COL25A1: variants seen among roughly 807,000 people sequenced by gnomAD.
COL25A1 encodes the protein collagen alpha-1(XXV) chain.
Under a neutral mutation model 128.4 loss-of-function variants are expected in COL25A1, and 103 were observed. The observed-to-expected ratio is 0.80, with a 90% CI of 0.68 to 0.94. The LOEUF (loss-of-function observed/expected upper bound fraction) is 0.94. COL25A1 is among the 40% of genes least tolerant of loss of function. The pLI is 0.00. For synonymous variants in COL25A1, 279 were observed against 277.2 expected (o/e 1.01, Z -0.06); for missense variants, 745 against 840.0 (o/e 0.89, Z 1.40).
intron 10 of COL25A1, among the ~76,000 whole-genome samples, chr4:108,938,773 T>C (rs1392239103): frequency 6.6e-6 from 1 of 151,920 alleles, no homozygotes; most frequent in Non-Finnish European, 1.5e-5. Flanking sequence ...AGGAGAATGG[T>C]GTGAACCCGG....
chr4:109,266,146 T>C (rs2126260084), intron 3 of COL25A1, among the ~76,000 whole-genome samples: 1 of 152,296 alleles, frequency 6.6e-6, no homozygotes, highest in African/African-American at 2.4e-5. Flanking sequence ...ACATGAAAAG[T>C]TTTTTAACTT....
chr4:109,240,849 T>C (rs1030365909), intron 3 of COL25A1, among the ~76,000 whole-genome samples: 3 of 152,098 alleles, frequency 2.0e-5, no homozygotes, highest in South Asian at 2.1e-4. Context: ...TGGGAGTTCA[T>C]TAAGTTCAAC....
intron 3 of COL25A1, among the ~76,000 whole-genome samples, chr4:109,156,481 G>T (rs996210199): frequency 1.2e-4 from 19 of 152,136 alleles, no homozygotes; most frequent in African/African-American, 2.9e-4. Context: ...GCTATGAAAG[G>T]TATTCATCTG....
chr4:108,942,924 T>G (rs899383531), intron 8 of COL25A1, among the ~76,000 whole-genome samples: 1 of 151,274 alleles, frequency 6.6e-6, no homozygotes, highest in African/African-American at 2.4e-5. Flanking sequence ...CCCAGCTAAT[T>G]TTTGTATTTG....
At position 109,301,935 on chromosome 4, in the gene COL25A1, G is replaced by C; in HGVS notation, c.85C>G (p.Arg29Gly). The part of the protein sequence containing the change: ...DPTPAEQHCA[R>G]TMPPCAVLAA... ...AGGACGGCACACGGGGGCATGGTCC[G>C]GGCACAATGCTGTTCGGCAGGGGTC... The change falls in exon 2 of 38, where the codon CGG becomes GGG. Residue 29 changes from arginine (R) to glycine (G), a missense_variant. Arg to Gly is a moderately radical substitution (Grantham distance 125, BLOSUM62 -2). Transcript: ENST00000399132. 6.8e-6 allele frequency: 11 copies of C among 1,613,906 alleles called. No homozygotes were observed. The highest frequency in any genetic ancestry group is 9.3e-6 in the Non-Finnish European group (11 of 1,180,034).
At chr4:109,197,748 G>A (rs1369276129) in intron 3 of COL25A1, among the ~76,000 whole-genome samples, 1 of 151,292 alleles carries the variant, frequency 6.6e-6, no homozygotes, top group East Asian at 1.9e-4. Context: ...TAATTTGTAA[G>A]ACTCAATACT....
At chr4:108,925,213 C>A (rs1228086366) in intron 11 of COL25A1, among the ~76,000 whole-genome samples, 1 of 152,088 alleles carries the variant, frequency 6.6e-6, no homozygotes, top group Non-Finnish European at 1.5e-5. Context: ...AAAATGCATA[C>A]CCCTGGACTT....
At chr4:109,106,692 G>A (rs1189452851) in intron 3 of COL25A1, among the ~76,000 whole-genome samples, 2 of 150,564 alleles carry the variant, frequency 1.3e-5, no homozygotes, top group Non-Finnish European at 3.0e-5. Context: ...TCACCAAAAT[G>A]GAGCAGTATT....
intron 3 of COL25A1, among the ~76,000 whole-genome samples, chr4:109,118,541 T>C (rs1195093218): frequency 6.6e-6 from 1 of 151,946 alleles, no homozygotes; most frequent in Non-Finnish European, 1.5e-5. Flanking sequence ...GAGAAAGATG[T>C]ACCACGGGAA....
chr4:109,093,324 A>G (rs989317887), intron 3 of COL25A1, among the ~76,000 whole-genome samples: 1 of 152,100 alleles, frequency 6.6e-6, no homozygotes, highest in African/African-American at 2.4e-5. Context: ...CCTTCCTCTT[A>G]AAAAATGCAT....
chr4:108,844,092 C>G (rs1233911893), intron 30 of COL25A1, among the ~76,000 whole-genome samples: 1 of 152,054 alleles, frequency 6.6e-6, no homozygotes, highest in Non-Finnish European at 1.5e-5. Context: ...GGAGTTTTGC[C>G]ATGTTGCCCA....
At chr4:109,274,919 T>C (rs1722669168) in intron 3 of COL25A1, among the ~76,000 whole-genome samples, 1 of 152,206 alleles carries the variant, frequency 6.6e-6, no homozygotes, top group Admixed American at 6.5e-5. Context: ...GTAAAACCAT[T>C]GATCATATAT....
intron 8 of COL25A1, chr4:108,942,106 A>T (rs1279302972): frequency 1.9e-5 from 22 of 1,144,420 alleles, no homozygotes; most frequent in African/African-American, 3.1e-5. Context: ...GATATATACC[A>T]TGAGAGGAAG....
At chr4:109,041,050 G>A (rs964097005) in intron 5 of COL25A1, among the ~76,000 whole-genome samples, 1 of 151,920 alleles carries the variant, frequency 6.6e-6, no homozygotes, top group African/African-American at 2.4e-5. Context: ...CAGAAGCATT[G>A]CTAAAAATTA....
At chr4:108,998,757 C>A (rs867682808) in intron 6 of COL25A1, among the ~76,000 whole-genome samples, 5 of 152,070 alleles carry the variant, frequency 3.3e-5, no homozygotes, top group African/African-American at 1.2e-4. Context: ...GTACTGGTAC[C>A]AAAACAGATA....
At chr4:109,222,869 T>C (rs2126211359) in intron 3 of COL25A1, among the ~76,000 whole-genome samples, 1 of 152,340 alleles carries the variant, frequency 6.6e-6, no homozygotes, top group Middle Eastern at 3.4e-3. Flanking sequence ...CTGTCTTGTA[T>C]ATATCTGGAA....
At chr4:108,894,527 T>A (rs973827) in intron 16 of COL25A1, among the ~76,000 whole-genome samples, 75,964 of 152,034 alleles carry the variant, frequency 0.5, 21,006 homozygotes, top group East Asian at 0.93. Context: ...GAAAATTACA[T>A]GAAATTAAAA....
At chr4:108,836,013 A>T (rs1408169029) in intron 31 of COL25A1, among the ~76,000 whole-genome samples, 1 of 151,362 alleles carries the variant, frequency 6.6e-6, no homozygotes, top group African/African-American at 2.4e-5. Flanking sequence ...CTGGGACTAC[A>T]GGCACCCACC....
intron 8 of COL25A1, among the ~76,000 whole-genome samples, chr4:108,973,662 C>T (rs1046095504): frequency 5.9e-5 from 9 of 152,228 alleles, no homozygotes; most frequent in African/African-American, 2.2e-4. Context: ...AGAGGTATGT[C>T]GAACGGAGCC....
Sources: gnomAD v4.1 joint callset for allele counts (sites outside exome capture counted in the v4.1 genomes callset) on GRCh38, gnomAD v4.1.1 for gene constraint, MANE v1.5 for transcripts, NCBI Gene and HGNC (gene_info 2026-07-23, HGNC 2026-07-21) for gene names.